Variants in FSTL4 observed in about 807,000 individuals in gnomAD.
The protein encoded by FSTL4 is follistatin-related protein 4.
A neutral mutation model predicts 78.2 loss-of-function variants in FSTL4; 28 were observed. The observed-to-expected ratio is 0.36, with a 90% CI of 0.27 to 0.49. The LOEUF is 0.49. Ranked by LOEUF, FSTL4 falls within the 20% of genes least tolerant of loss-of-function variation. The probability of loss-of-function intolerance (pLI) is 0.98; values close to 1 mark genes in which losing one functional copy is unlikely to be tolerated. For missense variants in FSTL4, 922 were observed against 1,084.9 expected (o/e 0.85, Z 2.11); for synonymous variants, 422 against 440.5 (o/e 0.96, Z 0.53).
intron 7 of FSTL4, chr5:133,248,602 T>G (rs1469757591): frequency 6.6e-6 from 1 of 152,148 alleles, no homozygotes; most frequent in Non-Finnish European, 1.5e-5. Context: ...ATTGCTAACG[T>G]TTTTCTTATA....
intron 4 of FSTL4, among the ~76,000 whole-genome samples, chr5:133,332,957 G>A (rs773211210): frequency 1.9e-4 from 29 of 152,206 alleles, no homozygotes; most frequent in Middle Eastern, 3.2e-3. Context: ...GTGCAGAGAG[G>A]ACACTGGAGA....
the FSTL4 span, among the ~76,000 whole-genome samples, chr5:133,818,958 C>T: frequency 8.4e-3 from 164 of 19,418 alleles, 1 homozygote; most frequent in African/African-American, 0.014. Flanking sequence ...TACACACACA[C>T]ACACGTACGC....
chr5:133,769,816 T>C, the FSTL4 span, among the ~76,000 whole-genome samples: 1 of 152,158 alleles, frequency 6.6e-6, no homozygotes, highest in East Asian at 1.9e-4. Context: ...TAGTGAACAT[T>C]GTACCCAATA....
chr5:133,775,456 A>G, the FSTL4 span, among the ~76,000 whole-genome samples: 69 of 152,308 alleles, frequency 4.5e-4, no homozygotes, highest in African/African-American at 1.5e-3. Flanking sequence ...GCCCTCTATA[A>G]CAATTATTCA....
the FSTL4 span, among the ~76,000 whole-genome samples, chr5:133,645,487 T>C: frequency 4.6e-5 from 7 of 152,178 alleles, no homozygotes; most frequent in Admixed American, 4.6e-4. Context: ...CTACCTTTTT[T>C]CATTCATTCG....
intron 6 of FSTL4, among the ~76,000 whole-genome samples, chr5:133,264,544 G>C (rs758081994): frequency 1.3e-5 from 2 of 152,216 alleles, no homozygotes; most frequent in Non-Finnish European, 2.9e-5. Flanking sequence ...TGTGCAGGCA[G>C]CTGACTGGGA....
chr5:133,785,673 T>A, the FSTL4 span, among the ~76,000 whole-genome samples: 78 of 152,304 alleles, frequency 5.1e-4, no homozygotes, highest in Admixed American at 1.4e-3. Flanking sequence ...CAGGTTCAGA[T>A]GAGAAACACG....
intron 7 of FSTL4, among the ~76,000 whole-genome samples, chr5:133,241,603 C>T (rs1751875922): frequency 6.6e-6 from 1 of 152,208 alleles, no homozygotes. Flanking sequence ...ATGGGGCCCT[C>T]TGGTGAGGTG....
At chr5:133,402,185 G>T (rs938149782) in intron 3 of FSTL4, among the ~76,000 whole-genome samples, 36 of 152,136 alleles carry the variant, frequency 2.4e-4, no homozygotes, top group African/African-American at 8.7e-4. Context: ...AACGGGCGCT[G>T]CCACATTGCT....
chr5:133,499,094 A>C (rs1758433726), intron 3 of FSTL4, among the ~76,000 whole-genome samples: 1 of 151,756 alleles, frequency 6.6e-6, no homozygotes, highest in Non-Finnish European at 1.5e-5. Flanking sequence ...AATCAGAATG[A>C]ATCCAAGTCA....
chr5:133,774,609 A>C, the FSTL4 span, among the ~76,000 whole-genome samples: 1 of 152,198 alleles, frequency 6.6e-6, no homozygotes, highest in Non-Finnish European at 1.5e-5. Flanking sequence ...AATCCTCTTA[A>C]AATTTGTTTG....
intron 7 of FSTL4, chr5:133,247,655 A>G (rs1214731319): frequency 6.6e-6 from 1 of 152,314 alleles, no homozygotes; most frequent in Middle Eastern, 3.2e-3. Context: ...AGCCCTGGCC[A>G]TCGCAGGCCC....
In FSTL4 at chr5:133,441,670, G is replaced by A. The variant is rs187981589; in HGVS notation, c.161-40684C>T. ...CTTCCATGAGGCCCTAGAGATGGCT[G>A]GTGGCAAGGTCAGGACTAGAGAACT... On this transcript the variant is annotated intron_variant, in intron 3 of 15. Coordinates refer to ENST00000265342, the MANE Select transcript of FSTL4 (RefSeq NM_015082.2). Among the ~76,000 whole-genome samples, 726 of 152,304 alleles carry A rather than the reference G, an allele frequency of 4.8e-3. 8 individuals carry two copies. Among genetic ancestry groups the A allele is most frequent in the African/African-American group, 0.017 (689 of 41,562 alleles).
At chr5:133,745,629 C>A in the FSTL4 span, among the ~76,000 whole-genome samples, 1 of 152,334 alleles carries the variant, frequency 6.6e-6, no homozygotes. Context: ...CCAGGTTGCC[C>A]TTTGACCTCT....
the FSTL4 span, among the ~76,000 whole-genome samples, chr5:133,622,922 C>A: frequency 2.6e-5 from 4 of 152,084 alleles, no homozygotes; most frequent in Admixed American, 2.6e-4. Context: ...TCAGACTTAT[C>A]ATTTTTTCCC....
chr5:133,460,346 C>T (rs190609730), intron 3 of FSTL4, among the ~76,000 whole-genome samples: 12 of 152,236 alleles, frequency 7.9e-5, no homozygotes, highest in Non-Finnish European at 2.9e-5. Flanking sequence ...GATGACAGCG[C>T]CACCTAGTGT....
intron 4 of FSTL4, among the ~76,000 whole-genome samples, chr5:133,392,453 G>GATGC (rs1471604820): frequency 6.6e-6 from 1 of 152,198 alleles, no homozygotes; most frequent in African/African-American, 2.4e-5. Context: ...CTGCAGGAAG[G>GATGC]ATGCATGCAG....
intron 3 of FSTL4, among the ~76,000 whole-genome samples, chr5:133,485,590 C>T (rs1758117015): frequency 6.6e-6 from 1 of 152,228 alleles, no homozygotes; most frequent in Non-Finnish European, 1.5e-5. Context: ...ATAATCAGCA[C>T]ATTCCAAGCA....
intron 3 of FSTL4, among the ~76,000 whole-genome samples, chr5:133,551,949 T>G (rs1366605): frequency 0.42 from 64,119 of 152,116 alleles, 14,000 homozygotes; most frequent in African/African-American, 0.53. Context: ...GCTTGTAAAT[T>G]TACTGCCTAG....
Sources: gnomAD v4.1 joint callset for allele counts (sites outside exome capture counted in the v4.1 genomes callset) on GRCh38, gnomAD v4.1.1 for gene constraint, MANE v1.5 for transcripts, NCBI Gene and HGNC (gene_info 2026-07-23, HGNC 2026-07-21) for gene names.